PTPRN2: variants seen among roughly 807,000 people sequenced by gnomAD.
The protein encoded by PTPRN2 is receptor-type tyrosine-protein phosphatase N2.
A neutral mutation model predicts 118.8 loss-of-function variants in PTPRN2; 74 were observed. The observed-to-expected ratio is 0.62, with a 90% confidence interval of 0.52 to 0.76. The LOEUF is 0.76. PTPRN2 is among the 30% of genes least tolerant of loss of function. The pLI is 0.00. For synonymous variants in PTPRN2, 641 were observed against 608.0 expected (o/e 1.05, Z -0.80); for missense variants, 1,481 against 1,394.4 (o/e 1.06, Z -0.99).
intron 11 of PTPRN2, among the ~76,000 whole-genome samples, chr7:157,902,301 G>A (rs956855882): frequency 6.6e-6 from 1 of 152,270 alleles, no homozygotes; most frequent in South Asian, 2.1e-4. Flanking sequence ...TGAGAAGTGT[G>A]GTGCCGCCAA....
intron 11 of PTPRN2, among the ~76,000 whole-genome samples, chr7:157,937,469 C>G (rs1585047797): frequency 6.6e-6 from 1 of 152,222 alleles, no homozygotes; most frequent in Non-Finnish European, 1.5e-5. Context: ...TACTACTAAG[C>G]CGCTGTTGTC....
In PTPRN2 at chr7:158,256,552, G is replaced by A. The variant is rs578205307; in HGVS notation, c.278-51279C>T. 5.3e-5 allele frequency among the ~76,000 whole-genome samples: 8 copies of A among 152,220 alleles called. 1 individual carries two copies. The South Asian group carries it at 1.5e-3, about 28-fold the overall frequency. ...TATTGGTTCAGGTACCTGAGGAAAG[G>A]TGGTGGAGGAGACAGAAGCTGGCGG... On this transcript the variant is annotated intron_variant, in intron 3 of 22. Transcript: ENST00000389418.
chr7:158,026,154 A>G (rs1263049001), intron 11 of PTPRN2, among the ~76,000 whole-genome samples: 5 of 152,254 alleles, frequency 3.3e-5, no homozygotes, highest in Non-Finnish European at 4.4e-5. Context: ...TGAGCTTCGC[A>G]TGCTAATGTA....
At chr7:157,816,656 C>T (rs1806419671) in intron 12 of PTPRN2, among the ~76,000 whole-genome samples, 1 of 152,222 alleles carries the variant, frequency 6.6e-6, no homozygotes, top group African/African-American at 2.4e-5. Flanking sequence ...AGGCCTCTGG[C>T]ACTCAGACAG....
intron 2 of PTPRN2, among the ~76,000 whole-genome samples, chr7:158,383,607 T>C (rs1162526629): frequency 6.8e-6 from 1 of 147,188 alleles, no homozygotes; most frequent in East Asian, 1.9e-4. Context: ...CTGTCAGAAA[T>C]TTAATTTGAA....
intron 11 of PTPRN2, among the ~76,000 whole-genome samples, chr7:157,983,780 C>T (rs564069962): frequency 5.3e-5 from 8 of 152,188 alleles, no homozygotes; most frequent in Non-Finnish European, 1.2e-4. Context: ...CAGGGAGGAG[C>T]GTTACGGACA....
chr7:158,449,456 C>A (rs531109372), intron 2 of PTPRN2, among the ~76,000 whole-genome samples: 34 of 152,326 alleles, frequency 2.2e-4, no homozygotes, highest in Admixed American at 1.5e-3. Flanking sequence ...ATTCCCACAA[C>A]AGCAAGACAC....
chr7:158,519,541 G>C (rs75784819), intron 1 of PTPRN2, among the ~76,000 whole-genome samples: 3,997 of 152,176 alleles, frequency 0.026, 74 homozygotes, highest in Non-Finnish European at 0.042. Context: ...TGATGGAATG[G>C]GCTGGCATTC....
At chr7:157,885,320 C>T (rs1187252741) in intron 12 of PTPRN2, among the ~76,000 whole-genome samples, 1 of 152,208 alleles carries the variant, frequency 6.6e-6, no homozygotes, top group Non-Finnish European at 1.5e-5. Context: ...TTCCTCCACT[C>T]CACAGTGCCC....
chr7:157,599,431 C>G (rs1801535612), intron 16 of PTPRN2, among the ~76,000 whole-genome samples: 1 of 152,214 alleles, frequency 6.6e-6, no homozygotes, highest in Non-Finnish European at 1.5e-5. Flanking sequence ...TCCTCTGTCT[C>G]TCTGAATACA....
intron 11 of PTPRN2, among the ~76,000 whole-genome samples, chr7:157,969,299 G>A (rs1034698575): frequency 3.9e-5 from 6 of 152,024 alleles, no homozygotes; most frequent in African/African-American, 1.4e-4. Flanking sequence ...TTGTAGAGAC[G>A]GGATCTCACC....
rs1255614705 is a variant in PTPRN2, at chr7:158,192,606, G to C, written c.381-111C>G. Reference sequence around the variant, plus strand: ...CAAGGGGCTGGGAGCCGGGCTCTCGGTGGCCGGCCTGGCCTTGCTGCTCCA... The same window carrying C: ...CAAGGGGCTGGGAGCCGGGCTCTCGCTGGCCGGCCTGGCCTTGCTGCTCCA... On this transcript the variant is annotated intron_variant, in intron 4 of 22. Coordinates refer to ENST00000389418, the MANE Select transcript of PTPRN2 (RefSeq NM_002847.5). 7 of 1,280,806 alleles carry C rather than the reference G, an allele frequency of 5.5e-6. No individual in the cohort carries two copies. The Admixed American group carries it at 2.0e-4, about 37-fold the overall frequency. The allele number at this position is 1,280,806 out of a possible 1,614,324, so 79.3% of individuals were successfully genotyped here.
chr7:158,081,982 G>A (rs1812877445), intron 10 of PTPRN2, among the ~76,000 whole-genome samples: 1 of 151,782 alleles, frequency 6.6e-6, no homozygotes, highest in South Asian at 2.1e-4. Context: ...AGTAGAAACT[G>A]ATTATTGTGC....
chr7:157,576,080 G>A (rs1161967418), intron 19 of PTPRN2, among the ~76,000 whole-genome samples: 1 of 152,110 alleles, frequency 6.6e-6, no homozygotes, highest in Non-Finnish European at 1.5e-5. Context: ...ACCAGACAAC[G>A]TATTGGGTGA....
At position 158,171,300 on chromosome 7, in the gene PTPRN2, TATACACAC is replaced by T. The variant is rs1472229802; in HGVS notation, c.550-4017_550-4010del. On this transcript the variant is annotated intron_variant, in intron 5 of 22. Transcript: ENST00000389418. ...ACACACATATATATACACACATATATATACACACATATATATATATATATATATATATA... is the reference window on the plus strand; with the variant it reads ...ACACACATATATATACACACATATATATATATATATATATATATATATATA... 2.4e-3 allele frequency among the ~76,000 whole-genome samples: 68 copies of T among 28,116 alleles called. 7 individuals carry two copies. Among genetic ancestry groups the T allele is most frequent in the African/African-American group, 7.3e-3 (59 of 8,118 alleles). 18.4% of individuals were successfully genotyped at this position (28,116 alleles called of 152,430 possible). A position where few individuals can be genotyped will look rare whatever the true frequency, so the allele number is the denominator to read the frequency against.
intron 2 of PTPRN2, among the ~76,000 whole-genome samples, chr7:158,330,956 A>AAC (rs1804271229): frequency 3.1e-5 from 2 of 64,698 alleles, no homozygotes; most frequent in African/African-American, 1.3e-4. Context: ...GAGCTGTCAC[A>AAC]CGCAGACGAC....
intron 10 of PTPRN2, among the ~76,000 whole-genome samples, chr7:158,095,728 G>A (rs753590356): frequency 5.9e-5 from 9 of 152,178 alleles, no homozygotes; most frequent in East Asian, 3.8e-4. Context: ...TTCAAGGAGC[G>A]TAGGAGTGTA....
At chr7:158,519,848 C>T (rs2129447628) in intron 1 of PTPRN2, among the ~76,000 whole-genome samples, 1 of 152,254 alleles carries the variant, frequency 6.6e-6, no homozygotes, top group Non-Finnish European at 1.5e-5. Context: ...CTCCATTTTC[C>T]CCACAACGCC....
rs1450802561 is a variant in PTPRN2, at chr7:157,794,085, C to T, written c.1788+104588G>A. Among the ~76,000 whole-genome samples the T allele has an allele frequency of 1.3e-5, 2 of 152,172 alleles. No individual in the cohort carries two copies. The highest frequency in any genetic ancestry group is 2.9e-5 in the Non-Finnish European group (2 of 68,026). On this transcript the variant is annotated intron_variant, in intron 12 of 22. Transcript: ENST00000389418. This position sits in a 1 kb window ranked among gnomAD's most constrained non-coding sequence, Gnocchi z 5.2. ...CGGGGCCCAGGTGGCCGGGAGGGGG[C>T]CGCCTGTGTCTCGCCCCTCATTCTC...
Sources: allele counts gnomAD v4.1 joint callset (sites outside exome capture counted in the v4.1 genomes callset), GRCh38; gene constraint gnomAD v4.1.1; non-coding constraint Gnocchi (gnomAD v3.1); transcripts MANE v1.5; gene names NCBI Gene and HGNC (gene_info 2026-07-23, HGNC 2026-07-21).